The following EML4 variants were observed in gnomAD, a reference collection of about 807,000 sequenced individuals.
The protein encoded by EML4 is echinoderm microtubule-associated protein-like 4.
A neutral mutation model predicts 129.0 loss-of-function variants in EML4; 72 were observed. The observed-to-expected ratio is 0.56, with a 90% CI of 0.46 to 0.68. EML4 has a LOEUF of 0.68. EML4 is among the 30% of genes least tolerant of loss of function. EML4 has a pLI of 0.00. For synonymous variants in EML4, 532 were observed against 405.0 expected, an observed-to-expected ratio of 1.31 and a Z score of -3.77; for missense variants, 1,363 against 1,190.6, an observed-to-expected ratio of 1.14 and a Z score of -2.13.
chr2:42,176,196 AT>A (rs923095797), intron 1 of EML4, among the ~76,000 whole-genome samples: 5 of 151,960 alleles, frequency 3.3e-5, no homozygotes, highest in African/African-American at 1.2e-4. Context: ...ATTCTTTGCC[AT>A]TTTTGCCTAG....
intron 13 of EML4, among the ~76,000 whole-genome samples, chr2:42,296,971 A>C (rs529791344): frequency 2.0e-5 from 3 of 152,334 alleles, no homozygotes; most frequent in South Asian, 2.1e-4. Flanking sequence ...TGTTTTTCAA[A>C]TCCATTCACC....
At chr2:42,271,958 C>G (rs951583263) in intron 6 of EML4, among the ~76,000 whole-genome samples, 1 of 151,760 alleles carries the variant, frequency 6.6e-6, no homozygotes, top group African/African-American at 2.4e-5. Flanking sequence ...AAAAATTTGC[C>G]AGGCATGATG....
chr2:42,296,133 T>A (rs1362605278), intron 13 of EML4, among the ~76,000 whole-genome samples: 1 of 152,152 alleles, frequency 6.6e-6, no homozygotes, highest in African/African-American at 2.4e-5. Context: ...TAAACCCCAT[T>A]TTTCGTTACT....
chr2:42,305,492 T>C (rs1428905792), intron 17 of EML4, among the ~76,000 whole-genome samples: 1 of 152,224 alleles, frequency 6.6e-6, no homozygotes, highest in Non-Finnish European at 1.5e-5. Context: ...ATTGAGCATT[T>C]ATAAGTTGTT....
chr2:42,225,379 G>A (rs1291187223), intron 1 of EML4, among the ~76,000 whole-genome samples: 1 of 152,142 alleles, frequency 6.6e-6, no homozygotes, highest in East Asian at 1.9e-4. Context: ...CAATGCACAA[G>A]AGTTCTAATT....
intron 3 of EML4, among the ~76,000 whole-genome samples, chr2:42,260,221 G>A (rs1263003917): frequency 6.6e-6 from 1 of 152,080 alleles, no homozygotes; most frequent in East Asian, 1.9e-4. Context: ...AGGCTGGAGT[G>A]CAATGGTGCA....
chr2:42,203,654 T>TTTTTTA (rs1672367616), intron 1 of EML4, among the ~76,000 whole-genome samples: 1 of 147,912 alleles, frequency 6.8e-6, no homozygotes. Context: ...TTTTTTTTTG[T>TTTTTTA]AGAAGTTCCC....
intron 1 of EML4, among the ~76,000 whole-genome samples, chr2:42,220,689 A>G (rs1056147648): frequency 6.6e-6 from 1 of 152,204 alleles, no homozygotes; most frequent in Non-Finnish European, 1.5e-5. Flanking sequence ...GATGAAGCTT[A>G]GATGAAGAAG....
chr2:42,312,190 A>G (rs935447956), intron 17 of EML4, among the ~76,000 whole-genome samples: 5 of 152,192 alleles, frequency 3.3e-5, no homozygotes, highest in African/African-American at 9.6e-5. Context: ...ACAGCTCACA[A>G]AATTACTAAA....
At position 42,303,146 on chromosome 2, in the gene EML4, A is replaced by AAGGCAGATCAATTTTTAGT; in HGVS notation, c.1690_1708dup (p.Thr570ArgfsTer18). 1 of 1,614,152 alleles carries AAGGCAGATCAATTTTTAGT rather than the reference A, an allele frequency of 6.2e-7. No individual in the cohort carries two copies. The highest frequency in any genetic ancestry group is 8.5e-7 in the Non-Finnish European group (1 of 1,180,002). Reference sequence around the variant, plus strand: ...CACAATCAGAGCTGTAGCAGAAGGAAAGGCAGATCAATTTTTAGTAGGCAC... The same window carrying AAGGCAGATCAATTTTTAGT: ...CACAATCAGAGCTGTAGCAGAAGGAAAGGCAGATCAATTTTTAGTAGGCAGATCAATTTTTAGTAGGCAC... On this transcript the variant is annotated frameshift_variant, in exon 15 of 23. Coordinates refer to ENST00000318522, the MANE Select transcript of EML4 (RefSeq NM_019063.5). LOFTEE classifies it high-confidence loss of function.
chr2:42,223,357 C>A (rs1026567263), intron 1 of EML4, among the ~76,000 whole-genome samples: 1 of 152,110 alleles, frequency 6.6e-6, no homozygotes, highest in Non-Finnish European at 1.5e-5. Context: ...TATTTGCTAT[C>A]ATTTTTTTGT....
chr2:42,178,796 C>T (rs1670766244), intron 1 of EML4, among the ~76,000 whole-genome samples: 2 of 152,188 alleles, frequency 1.3e-5, no homozygotes, highest in African/African-American at 2.4e-5. Flanking sequence ...AACCATTGCA[C>T]TATAGCGCTT....
At chr2:42,323,761 C>A (rs1669641808) in intron 19 of EML4, among the ~76,000 whole-genome samples, 1 of 135,010 alleles carries the variant, frequency 7.4e-6, no homozygotes, top group Non-Finnish European at 1.6e-5. Context: ...TGGTGAAACC[C>A]CGTCTCTACC....
intron 1 of EML4, among the ~76,000 whole-genome samples, chr2:42,186,030 C>T (rs993318446): frequency 1.3e-5 from 2 of 151,988 alleles, no homozygotes; most frequent in African/African-American, 2.4e-5. Context: ...TTTTATAATA[C>T]CAATTAAAAA....
At chr2:42,222,123 A>G (rs1009730942) in intron 1 of EML4, among the ~76,000 whole-genome samples, 1 of 152,160 alleles carries the variant, frequency 6.6e-6, no homozygotes, top group Admixed American at 6.5e-5. Context: ...ATTTCTGATT[A>G]TGGAGAAGAT....
At chr2:42,306,885 C>CTATG (rs1289447578) in intron 17 of EML4, among the ~76,000 whole-genome samples, 3 of 152,022 alleles carry the variant, frequency 2.0e-5, no homozygotes, top group Non-Finnish European at 4.4e-5. Flanking sequence ...AAACCAAGAC[C>CTATG]CATAGAGTTC....
chr2:42,307,798 G>A (rs1030307490), intron 17 of EML4, among the ~76,000 whole-genome samples: 1 of 152,154 alleles, frequency 6.6e-6, no homozygotes, highest in South Asian at 2.1e-4. Context: ...GGGATTACAG[G>A]CGCCCACCAC....
chr2:42,236,234 T>A (rs1208879473), intron 1 of EML4, among the ~76,000 whole-genome samples: 1 of 152,258 alleles, frequency 6.6e-6, no homozygotes, highest in Non-Finnish European at 1.5e-5. Flanking sequence ...GTTCCTGAGA[T>A]TCAAAATGAT....
At chr2:42,291,555 C>T (rs1667643316) in intron 11 of EML4, among the ~76,000 whole-genome samples, 1 of 151,976 alleles carries the variant, frequency 6.6e-6, no homozygotes, top group Admixed American at 6.6e-5. Flanking sequence ...AGGCGTGTGC[C>T]ACCATGCCCA....
Sources: gnomAD v4.1 joint callset for allele counts (sites outside exome capture counted in the v4.1 genomes callset) on GRCh38, gnomAD v4.1.1 for gene constraint, MANE v1.5 for transcripts, NCBI Gene and HGNC (gene_info 2026-07-23, HGNC 2026-07-21) for gene names.